The following CCNL2 variants were observed in gnomAD, a reference collection of about 807,000 sequenced individuals.
CCNL2 encodes cyclin L2, also known as cyclin-L2.
Under a neutral mutation model 59.1 loss-of-function variants are expected in CCNL2, and 28 were observed. The observed-to-expected ratio is 0.47, with a 90% CI of 0.35 to 0.65. The LOEUF (loss-of-function observed/expected upper bound fraction) is 0.65, where lower values mean the gene tolerates loss of function less well. Among genes scored for constraint, CCNL2 ranks in the 30% least tolerant of loss-of-function variants. CCNL2 has a pLI of 0.00. For synonymous variants in CCNL2, 342 were observed against 288.6 expected (o/e 1.19, Z -1.88); for missense variants, 714 against 717.4 (o/e 1.00, Z 0.05).
rs1269266226 is a variant in CCNL2, at chr1:1,387,802, A to G, written c.1186T>C (p.Ser396Pro). ...CTCCTCTTAGGAGACGCTGATCGGG[A>G]TGGGGACCTCGAGTAGCTCTGCTCA... ...SREQSYSRSP[S>P]RSASPKRRKS... Residue 396 changes from serine (S) to proline (P), a missense_variant, in exon 10 of 11, where the codon TCC becomes CCC. By Grantham distance (74) the Ser-to-Pro change is moderately conservative (BLOSUM62 -1). This residue lies in a region of CCNL2 where 403 missense variants were observed against 377.7 expected (regional missense o/e 1.07). Transcript: ENST00000400809. 6.2e-7 allele frequency: 1 copy of G among 1,612,972 alleles called. No individual in the cohort carries two copies. Among genetic ancestry groups the G allele is most frequent in the Non-Finnish European group, 8.5e-7 (1 of 1,179,752 alleles).
chr1:1,387,559 G>C lies in CCNL2; in HGVS notation c.1235C>G (p.Ser412Cys). 1 of 1,508,382 alleles carries C rather than the reference G, an allele frequency of 6.6e-7. No homozygotes were observed. Among genetic ancestry groups the C allele is most frequent in the Non-Finnish European group, 8.9e-7 (1 of 1,129,792 alleles). The allele number at this position is 1,508,382 out of a possible 1,614,324, so 93.4% of individuals were successfully genotyped here. A position where few individuals can be genotyped will look rare whatever the true frequency, so the allele number is the denominator to read the frequency against. ...KRRKSDSGST[S>C]GGSKSQSRSR... is the part of the protein sequence containing the mutation. ...GCGGCTCTGCGACTTGGACCCACCA[G>C]ATGTGGAGCCGCTGTCACTTTTCCT... Residue 412 changes from serine (S) to cysteine (C), a missense_variant, in exon 11 of 11, where the codon TCT becomes TGT. By Grantham distance (112) the Ser-to-Cys change is moderately radical (BLOSUM62 -1). Transcript: ENST00000400809.
rs779982309 is a variant in CCNL2, at chr1:1,387,569, C to T, written c.1225G>A (p.Gly409Ser). 2.0e-6 allele frequency: 3 copies of T among 1,494,566 alleles called. No individual in the cohort carries two copies. Among genetic ancestry groups the T allele is most frequent in the East Asian group, 4.7e-5 (2 of 42,528 alleles). The allele number at this position is 1,494,566 out of a possible 1,614,324, so 92.6% of individuals were successfully genotyped here. A position where few individuals can be genotyped will look rare whatever the true frequency, so the allele number is the denominator to read the frequency against. Residue 409 changes from glycine (G) to serine (S), a missense_variant, in exon 11 of 11, where the codon GGC becomes AGC. Physicochemically the swap from Gly to Ser is moderately conservative, Grantham distance 56 (BLOSUM62 0). This residue lies in a region of CCNL2 where 403 missense variants were observed against 377.7 expected (regional missense o/e 1.07). Transcript: ENST00000400809. ...GACTTGGACCCACCAGATGTGGAGC[C>T]GCTGTCACTTTTCCTGGGAGGAAGA... ...ASPKRRKSDSGSTSGGSKSQS... is the reference protein window; with the variant it reads ...ASPKRRKSDSSSTSGGSKSQS...
chr1:1,392,001 C>G, intron 5 of CCNL2: 1 of 164,962 alleles, frequency 6.1e-6, no homozygotes, highest in Non-Finnish European at 1.3e-5. Context: ...CTAAATAAAC[C>G]TTGGAGAAGG....
At chr1:1,392,653 C>A in intron 5 of CCNL2, 4 of 1,490,750 alleles carry the variant, frequency 2.7e-6, no homozygotes, top group Non-Finnish European at 3.6e-6. Flanking sequence ...CAGCAGGAGT[C>A]GGCCATGGCT....
At chr1:1,395,346 A>G (rs1240746) in intron 4 of CCNL2, 48 bp downstream of exon 4, 448,648 of 1,604,600 alleles carry the variant, frequency 0.28, 101,735 homozygotes, top group East Asian at 0.99. Context: ...GCGGCCAGGC[A>G]GGAGCAGCGG....
chr1:1,393,813 C>A (rs1056287527), intron 4 of CCNL2, among the ~76,000 whole-genome samples: 5 of 152,218 alleles, frequency 3.3e-5, no homozygotes, highest in African/African-American at 1.2e-4. Context: ...ACAATATGAA[C>A]ATACTTTCAG....
At chr1:1,391,572 G>A (rs961222633) in intron 5 of CCNL2, 3 of 1,304,946 alleles carry the variant, frequency 2.3e-6, no homozygotes, top group Non-Finnish European at 3.0e-6. Flanking sequence ...TTTCAACAAG[G>A]GGTCTTAAAA....
chr1:1,392,702 G>A, intron 5 of CCNL2: 1 of 1,579,022 alleles, frequency 6.3e-7, no homozygotes, highest in Middle Eastern at 2.2e-4. Context: ...CCAGCCTTCG[G>A]TGGAGAGCCT....
chr1:1,391,124 A>G, intron 5 of CCNL2: 1 of 1,251,446 alleles, frequency 8.0e-7, no homozygotes, highest in Admixed American at 3.8e-5. Context: ...GTCAGACAAT[A>G]CGTGTTGCTA....
At chr1:1,394,256 T>G (rs1273995132) in intron 4 of CCNL2, among the ~76,000 whole-genome samples, 1 of 151,940 alleles carries the variant, frequency 6.6e-6, no homozygotes, top group Non-Finnish European at 1.5e-5. Context: ...ATGGAAACAA[T>G]TTTTTGGGAA....
At chr1:1,397,701 A>C (rs1570016027) in intron 3 of CCNL2, among the ~76,000 whole-genome samples, 1 of 152,052 alleles carries the variant, frequency 6.6e-6, no homozygotes, top group Non-Finnish European at 1.5e-5. Flanking sequence ...ATCTTTACCA[A>C]ATAAAAAATA....
chr1:1,391,755 A>G (rs1644774958), intron 5 of CCNL2: 3 of 350,754 alleles, frequency 8.6e-6, no homozygotes, highest in African/African-American at 2.2e-5. Context: ...ACCTGGCTAC[A>G]TTTTGAGCAT....
At position 1,387,415 on chromosome 1, in the gene CCNL2, T is replaced by G. The variant is rs1644511795; in HGVS notation, c.1379A>C (p.Lys460Thr). 1.9e-6 allele frequency: 3 copies of G among 1,613,584 alleles called. No individual in the cohort carries two copies. Among genetic ancestry groups the G allele is most frequent in the South Asian group, 2.2e-5 (2 of 91,064 alleles). ...ACGGGAAGAACTCCGGCTCCGAGAC[T>G]TGTGTGGCTTCTGGGGGTACTTGCA... The part of the protein sequence containing the change: ...KDCKYPQKPH[K>T]SRSRSSSRSR... Residue 460 changes from lysine (K) to threonine (T), a missense_variant, in exon 11 of 11, where the codon AAG (lysine) becomes ACG (threonine). Physicochemically the swap from Lys to Thr is moderately conservative, Grantham distance 78. This residue lies in a region of CCNL2 where 403 missense variants were observed against 377.7 expected (regional missense o/e 1.07). Coordinates refer to ENST00000400809, the MANE Select transcript of CCNL2 (RefSeq NM_030937.6).
intron 1 of CCNL2, 77 bp from the exon 2 acceptor site, chr1:1,398,748 G>C: frequency 7.3e-7 from 1 of 1,362,168 alleles, no homozygotes; most frequent in Admixed American, 1.7e-5. Context: ...CGAGTAACGT[G>C]GGACTCCCCA....
In CCNL2 at chr1:1,398,587, GA is replaced by G. The variant is rs1389808761; in HGVS notation, c.363+9del. On this transcript the variant is annotated intron_variant, in intron 2 of 10. Coordinates refer to ENST00000400809, the MANE Select transcript of CCNL2 (RefSeq NM_030937.6). ...CTTCGCTGGGAATGAAGTGCAGGAG[GA>G]AGCCTTACCTCCATGGAGTGCTTCA... The G allele has an allele frequency of 6.2e-7, 1 of 1,613,004 alleles. No individual in the cohort carries two copies.
intron 4 of CCNL2, among the ~76,000 whole-genome samples, chr1:1,394,557 C>G (rs1644911757): frequency 6.6e-6 from 1 of 151,644 alleles, no homozygotes; most frequent in Admixed American, 6.6e-5. Context: ...TGAGACCAGC[C>G]CGGCCAACAT....
intron 5 of CCNL2, chr1:1,391,967 T>G (rs1644785926): frequency 1.1e-5 from 2 of 185,514 alleles, no homozygotes; most frequent in East Asian, 3.4e-4. Flanking sequence ...ATCTGACCCA[T>G]GACCTTCCAG....
chr1:1,398,974 GC>G, intron 1 of CCNL2, 44 bp downstream of exon 1: 1 of 1,532,360 alleles, frequency 6.5e-7, no homozygotes, highest in Non-Finnish European at 8.7e-7. Flanking sequence ...GGCGGCTGCC[GC>G]CCCAGCGGTT....
In CCNL2 at chr1:1,399,204, C is replaced by A. The variant is rs757537262; in HGVS notation, c.103G>T (p.Val35Leu). ...GAGTACAGCCTGTCCCCGATCAGCA[C>A]CCCCTGCGACCCTGAGGGTGCGCCC... ...SGGAPSGSQG[V>L]LIGDRLYSGV... Residue 35 changes from valine (V) to leucine (L), a missense_variant, in exon 1 of 11, where the codon GTG (valine) becomes TTG (leucine). Val to Leu is a conservative substitution (Grantham distance 32). Around this residue, in one of 5 missense-constraint regions of CCNL2, gnomAD observed 270 missense variants for 254.9 expected, o/e 1.06. Transcript: ENST00000400809. 5 of 1,606,118 alleles carry A rather than the reference C, an allele frequency of 3.1e-6. No individual in the cohort carries two copies. Among genetic ancestry groups the A allele is most frequent in the Non-Finnish European group, 4.2e-6 (5 of 1,177,468 alleles).
Sources: allele counts gnomAD v4.1 joint callset (sites outside exome capture counted in the v4.1 genomes callset), GRCh38; gene constraint gnomAD v4.1.1; regional missense constraint gnomAD v4.1.1; transcripts MANE v1.5; gene names NCBI Gene and HGNC (gene_info 2026-07-23, HGNC 2026-07-21).